Variants in DCDC2 observed in about 807,000 individuals in gnomAD.
DCDC2 encodes the protein doublecortin domain containing 2.
In DCDC2, 40 loss-of-function variants were observed where a neutral mutation model predicts 50.2. The ratio of observed to expected loss-of-function variants is 0.80; its 90% confidence interval spans 0.62 to 1.04. The LOEUF is 1.04. Among genes scored for constraint, DCDC2 ranks in the 50% least tolerant of loss-of-function variants. The pLI is 0.00. For missense variants in DCDC2, 570 were observed against 581.9 expected (o/e 0.98, Z 0.21); for synonymous variants, 234 against 210.6 (o/e 1.11, Z -0.96).
At chr6:24,215,512 T>C (rs1210458202) in intron 7 of DCDC2, among the ~76,000 whole-genome samples, 2 of 151,898 alleles carry the variant, frequency 1.3e-5, no homozygotes, top group Non-Finnish European at 2.9e-5. Flanking sequence ...TCATGGAAAG[T>C]GTTATCACCC....
intron 4 of DCDC2, among the ~76,000 whole-genome samples, chr6:24,298,665 G>C (rs1046171512): frequency 6.6e-6 from 1 of 152,086 alleles, no homozygotes; most frequent in African/African-American, 2.4e-5. Context: ...ATAAGAAATA[G>C]TCAATAGATG....
intron 7 of DCDC2, among the ~76,000 whole-genome samples, chr6:24,275,410 T>A (rs1021328152): frequency 1.3e-5 from 2 of 152,264 alleles, no homozygotes; most frequent in Admixed American, 6.5e-5. Flanking sequence ...CTGCACAAAA[T>A]CCTTTTTCAT....
At chr6:24,249,640 A>G (rs1296567973) in intron 7 of DCDC2, among the ~76,000 whole-genome samples, 1 of 152,234 alleles carries the variant, frequency 6.6e-6, no homozygotes, top group Non-Finnish European at 1.5e-5. Flanking sequence ...TAAAAAATAA[A>G]AACATTAAGA....
At position 24,304,084 on chromosome 6, in the gene DCDC2, A is replaced by G. The variant is rs572565584; in HGVS notation, c.349-2040T>C. Among the ~76,000 whole-genome samples the G allele has an allele frequency of 9.2e-5, 14 of 152,358 alleles. 1 individual carries two copies. In the South Asian group the frequency reaches 2.9e-3, roughly 32 times the overall value. On this transcript the variant is annotated intron_variant, in intron 2 of 9. Transcript: ENST00000378454. ...TTAAAATGTCATACTCTAGAGTACA[A>G]TTTTTAAAATTTAATCATAGTAACT...
intron 8 of DCDC2, among the ~76,000 whole-genome samples, chr6:24,189,883 T>C (rs1053730368): frequency 2.0e-5 from 3 of 152,216 alleles, no homozygotes; most frequent in South Asian, 2.1e-4. Context: ...GTGGATTTTA[T>C]GGCAGCATTC....
chr6:24,374,547 C>G, the DCDC2 span, among the ~76,000 whole-genome samples: 20 of 140,136 alleles, frequency 1.4e-4, no homozygotes, highest in South Asian at 4.7e-4. Context: ...CCACTGCACT[C>G]CAGCCTGGGA....
At chr6:24,251,321 G>A (rs761117196) in intron 7 of DCDC2, among the ~76,000 whole-genome samples, 1 of 152,128 alleles carries the variant, frequency 6.6e-6, no homozygotes, top group African/African-American at 2.4e-5. Flanking sequence ...TTTCACTTGC[G>A]GTTTGAGAGC....
intron 2 of DCDC2, among the ~76,000 whole-genome samples, chr6:24,341,057 C>T (rs1171153840): frequency 1.3e-5 from 2 of 152,076 alleles, no homozygotes; most frequent in African/African-American, 2.4e-5. Flanking sequence ...GTTGGCAGCC[C>T]AGTTACATAT....
At chr6:24,294,373 G>A (rs1763816979) in intron 4 of DCDC2, among the ~76,000 whole-genome samples, 3 of 151,892 alleles carry the variant, frequency 2.0e-5, no homozygotes, top group Admixed American at 2.0e-4. Context: ...AAGTTAGAAA[G>A]ATCTCAAATG....
chr6:24,315,170 TGC>T, intron 2 of DCDC2, among the ~76,000 whole-genome samples: 1 of 77,224 alleles, frequency 1.3e-5, no homozygotes, highest in African/African-American at 3.7e-5. Flanking sequence ...TATTGATCTT[TGC>T]TTTTTTTTTT....
chr6:24,266,049 A>C (rs564991415), intron 7 of DCDC2, among the ~76,000 whole-genome samples: 5 of 152,270 alleles, frequency 3.3e-5, no homozygotes, highest in Non-Finnish European at 7.4e-5. Flanking sequence ...ATACACCTAC[A>C]ATAAATTCAT....
chr6:24,205,530 A>G (rs1020925561), intron 7 of DCDC2, among the ~76,000 whole-genome samples: 10 of 151,202 alleles, frequency 6.6e-5, no homozygotes, highest in Non-Finnish European at 1.2e-4. Flanking sequence ...CATTCAATAT[A>G]ACGTATTGGA....
chr6:24,298,674 T>C (rs1330051644), intron 4 of DCDC2, among the ~76,000 whole-genome samples: 1 of 152,226 alleles, frequency 6.6e-6, no homozygotes, highest in Non-Finnish European at 1.5e-5. Flanking sequence ...AGTCAATAGA[T>C]GATGTTGTAT....
At chr6:24,359,020 TTATATTTTATATTTTA>T (rs1760572115), upstream of DCDC2, among the ~76,000 whole-genome samples, 1 of 44,018 alleles carries the variant, frequency 2.3e-5, no homozygotes, top group Non-Finnish European at 3.6e-5. Context: ...ATTATATATT[TTATATTTTATATTTTA>T]TATATATTAT....
At chr6:24,271,207 CAA>C (rs543819229) in intron 7 of DCDC2, among the ~76,000 whole-genome samples, 14 of 39,406 alleles carry the variant, frequency 3.6e-4, no homozygotes, top group Middle Eastern at 0.033. Context: ...GACACTCCCT[CAA>C]AAAAAAAAAA....
intron 1 of DCDC2, among the ~76,000 whole-genome samples, chr6:24,354,559 T>A (rs1193018498): frequency 6.6e-6 from 1 of 152,184 alleles, no homozygotes. Context: ...AATGCCCCTA[T>A]ATAAAAGTAG....
intron 6 of DCDC2, among the ~76,000 whole-genome samples, chr6:24,286,377 G>C (rs1409594104): frequency 2.0e-5 from 3 of 152,220 alleles, no homozygotes; most frequent in Non-Finnish European, 4.4e-5. Flanking sequence ...CCGATCGCTG[G>C]AGCCCAGGAC....
Position 24,210,991 on chromosome 6 carries a change from C to T in DCDC2, c.923-5889G>A, listed in dbSNP as rs16888895. ...AAAAGTTCTTTCCCCATTTTCACAC[C>T]GTCAGCCAGATCTCAGGAAACCCTC... On this transcript the variant is annotated intron_variant, in intron 7 of 9. Transcript: ENST00000378454. Among the ~76,000 whole-genome samples the T allele has an allele frequency of 9.6e-3, 1,465 of 152,292 alleles. 12 individuals are homozygous for T. Among genetic ancestry groups the T allele is most frequent in the African/African-American group, 0.019 (792 of 41,554 alleles).
chr6:24,200,636 T>A (rs60503247), intron 8 of DCDC2, among the ~76,000 whole-genome samples: 3,535 of 152,156 alleles, frequency 0.023, 109 homozygotes, highest in African/African-American at 0.076. Context: ...CAGGATAAAA[T>A]TCACACATAA....
Sources: allele counts gnomAD v4.1 joint callset (sites outside exome capture counted in the v4.1 genomes callset), GRCh38; gene constraint gnomAD v4.1.1; transcripts MANE v1.5; gene names NCBI Gene and HGNC (gene_info 2026-07-23, HGNC 2026-07-21).